ERC1: variants seen among roughly 807,000 people sequenced by gnomAD.
ERC1 encodes the protein ELKS/RAB6-interacting/CAST family member 1, also known as RAB6 interacting protein 2.
A neutral mutation model predicts 132.0 loss-of-function variants in ERC1; 56 were observed. That is an observed-to-expected ratio of 0.42 (90% CI 0.34 to 0.53). The LOEUF is 0.53. ERC1 is among the 20% of genes least tolerant of loss of function. ERC1 has a pLI of 0.03. For missense variants in ERC1, 1,202 were observed against 1,349.9 expected (o/e 0.89, Z 1.72); for synonymous variants, 478 against 476.1 (o/e 1.00, Z -0.05).
At position 1,218,855 on chromosome 12, in the gene ERC1, CAT is replaced by C. The variant is rs1264949843; in HGVS notation, c.2352-17901_2352-17900del. 9.3e-4 allele frequency among the ~76,000 whole-genome samples: 131 copies of C among 140,110 alleles called. 1 individual carries two copies. Among genetic ancestry groups the C allele is most frequent in the Middle Eastern group, 3.8e-3 (1 of 260 alleles). 91.9% of individuals were successfully genotyped at this position (140,110 alleles called of 152,430 possible). ...ATATACACACACACACACACACACA[CAT>C]ATATATATATATTCTCAGACTTTTC... is the stretch of plus-strand genomic sequence containing the variant. On this transcript the variant is annotated intron_variant, in intron 12 of 18. Transcript: ENST00000360905.
rs1297029114 is a variant in ERC1 at position 1,181,325 on chromosome 12, C to T, written c.1876-600C>T. Among the ~76,000 whole-genome samples, 8 of 151,936 alleles carry T rather than the reference C, an allele frequency of 5.3e-5. No homozygotes were observed. The East Asian group carries it at 1.4e-3, about 26-fold the overall frequency. ...GAAGAAATATTTGTTAGTTATTGTC[C>T]TTAGGGTGTATATATAAGCTTTTAG... On this transcript the variant is annotated intron_variant, in intron 9 of 18. Coordinates refer to ENST00000360905, the MANE Select transcript of ERC1 (RefSeq NM_178040.4).
At chr12:1,236,584 A>G (rs1004394999) in intron 12 of ERC1, among the ~76,000 whole-genome samples, 185 bp from the exon 13 acceptor site, 1 of 152,118 alleles carries the variant, frequency 6.6e-6, no homozygotes, top group Admixed American at 6.5e-5. Context: ...GGGAAAACTT[A>G]TTTTTGTAAA....
At chr12:1,037,913 G>A (rs549699520) in intron 2 of ERC1, among the ~76,000 whole-genome samples, 1 of 151,646 alleles carries the variant, frequency 6.6e-6, no homozygotes. Flanking sequence ...GCTTGGTGGC[G>A]GGCACCTATA....
At chr12:1,004,606 CG>C (rs938226355) in intron 1 of ERC1, among the ~76,000 whole-genome samples, 3 of 151,726 alleles carry the variant, frequency 2.0e-5, no homozygotes, top group Admixed American at 6.6e-5. Flanking sequence ...GGGGTTTCAC[CG>C]TGTTGGCCAG....
intron 13 of ERC1, among the ~76,000 whole-genome samples, chr12:1,259,788 G>T (rs2077037784): frequency 6.6e-6 from 1 of 152,170 alleles, no homozygotes; most frequent in South Asian, 2.1e-4. Context: ...CTCCCAAAGT[G>T]CTGGGATTGC....
chr12:1,218,399 TA>T (rs1380724489), intron 12 of ERC1, among the ~76,000 whole-genome samples: 4 of 152,060 alleles, frequency 2.6e-5, no homozygotes, highest in Admixed American at 6.6e-5. Flanking sequence ...CTTAATGTCT[TA>T]AAAAAAATCG....
intron 2 of ERC1, among the ~76,000 whole-genome samples, chr12:1,076,397 CTT>C (rs71293129): frequency 6.9e-5 from 9 of 130,964 alleles, no homozygotes; most frequent in African/African-American, 8.5e-5. Flanking sequence ...TTTTCTTTTT[CTT>C]TTTTTTTTTT....
intron 1 of ERC1, among the ~76,000 whole-genome samples, chr12:1,008,100 C>A (rs771061549): frequency 6.6e-6 from 1 of 152,096 alleles, no homozygotes; most frequent in African/African-American, 2.4e-5. Flanking sequence ...ATATTGTTAC[C>A]CAGGGATTCT....
chr12:1,358,333 G>A (rs1218380239), intron 15 of ERC1, among the ~76,000 whole-genome samples: 1 of 151,266 alleles, frequency 6.6e-6, no homozygotes, highest in African/African-American at 2.4e-5. Context: ...AACATTATGA[G>A]TGCCTGCAAT....
At chr12:1,397,355 C>G (rs575088603) in intron 16 of ERC1, among the ~76,000 whole-genome samples, 8 of 152,226 alleles carry the variant, frequency 5.3e-5, no homozygotes, top group Admixed American at 2.6e-4. Context: ...AACATATACA[C>G]AAGGAAATTC....
intron 8 of ERC1, among the ~76,000 whole-genome samples, chr12:1,170,671 A>G (rs1952960652): frequency 1.3e-5 from 2 of 152,220 alleles, no homozygotes; most frequent in Admixed American, 6.5e-5. Flanking sequence ...TCTACCAGGC[A>G]GATCTTGACT....
rs2086581369 is a variant in ERC1, at chr12:1,365,552, G to C, written c.2781-6281G>C. On this transcript the variant is annotated intron_variant, in intron 15 of 18. Transcript: ENST00000360905. ...CAAAGATCCTGTCTTTGTGGAGTTT[G>C]TATTCCAACTATTCCTAAGCACAGG... Among the ~76,000 whole-genome samples, 4 of 152,190 alleles carry C rather than the reference G, an allele frequency of 2.6e-5. No individual in the cohort carries two copies. In the South Asian group the frequency reaches 8.3e-4, roughly 31 times the overall value.
At chr12:1,314,392 A>G (rs1265674428) in intron 15 of ERC1, among the ~76,000 whole-genome samples, 2 of 152,240 alleles carry the variant, frequency 1.3e-5, no homozygotes, top group African/African-American at 2.4e-5. Flanking sequence ...AAAATGTAAC[A>G]TAGTAGCAGA....
chr12:993,619 C>T (rs1186715751), intron 1 of ERC1, among the ~76,000 whole-genome samples: 3 of 152,060 alleles, frequency 2.0e-5, no homozygotes, highest in Admixed American at 6.6e-5. Context: ...AGTGAAGGTT[C>T]TTGGCCGGGC....
At chr12:1,007,591 CAGTT>C (rs1413114255) in intron 1 of ERC1, among the ~76,000 whole-genome samples, 7 of 142,676 alleles carry the variant, frequency 4.9e-5, no homozygotes, top group African/African-American at 1.6e-4. Context: ...GGGGAAAGGA[CAGTT>C]AGTTGATGGG....
intron 18 of ERC1, among the ~76,000 whole-genome samples, chr12:1,460,628 A>C (rs2093625565): frequency 1.3e-5 from 2 of 152,172 alleles, no homozygotes; most frequent in African/African-American, 4.8e-5. Flanking sequence ...TATTTGAAAT[A>C]AGTCCTTTTG....
At chr12:1,462,579 A>T (rs1283444038) in intron 18 of ERC1, among the ~76,000 whole-genome samples, 1 of 152,236 alleles carries the variant, frequency 6.6e-6, no homozygotes, top group Non-Finnish European at 1.5e-5. Flanking sequence ...ACACACAAAA[A>T]ATTATGTACT....
chr12:1,406,062 A>G (rs1037907352), intron 16 of ERC1, among the ~76,000 whole-genome samples: 6 of 152,206 alleles, frequency 3.9e-5, no homozygotes, highest in Non-Finnish European at 8.8e-5. Context: ...GCTAAAATGT[A>G]TTGGGTGTCA....
rs531948492 is a variant in ERC1 at position 1,247,046 on chromosome 12, TTGAGCCCAGGAGTTTGAGGTTGCAG to T, written c.2487+10244_2487+10268del. On this transcript the variant is annotated intron_variant, in intron 13 of 18. Transcript: ENST00000360905. Reference sequence around the variant, plus strand: ...TGGGAGGCTGAAGAGGGAGGATCACTTGAGCCCAGGAGTTTGAGGTTGCAGTGAGCCCAGGAGTTTGAGGTTGCAG... The same window carrying T: ...TGGGAGGCTGAAGAGGGAGGATCACTTGAGCCCAGGAGTTTGAGGTTGCAG... 1.6e-3 allele frequency among the ~76,000 whole-genome samples: 237 copies of T among 149,840 alleles called. 44 individuals carry two copies. Among genetic ancestry groups the T allele is most frequent in the African/African-American group, 3.1e-3 (124 of 40,390 alleles).
Sources: allele counts gnomAD v4.1 joint callset (sites outside exome capture counted in the v4.1 genomes callset), GRCh38; gene constraint gnomAD v4.1.1; transcripts MANE v1.5; gene names NCBI Gene and HGNC (gene_info 2026-07-23, HGNC 2026-07-21).